The following TKFC variants were observed in gnomAD, a reference collection of about 807,000 sequenced individuals.
The protein encoded by TKFC is triokinase/FMN cyclase.
In TKFC, 46 loss-of-function variants were observed where a neutral mutation model predicts 61.0. The observed-to-expected ratio is 0.75, with a 90% CI of 0.60 to 0.96. The LOEUF (loss-of-function observed/expected upper bound fraction) is 0.96. Ranked by LOEUF, TKFC falls within the 50% of genes least tolerant of loss-of-function variation. The pLI is 0.00. For synonymous variants in TKFC, 314 were observed against 330.1 expected (o/e 0.95, Z 0.53); for missense variants, 715 against 777.5 (o/e 0.92, Z 0.96).
downstream of TKFC, chr11:61,351,658 G>A (rs944636150): frequency 1.9e-4 from 29 of 151,924 alleles, 1 homozygote; most frequent in Admixed American, 1.9e-3. Flanking sequence ...GCTCACTCTT[G>A]TAATCCCAGC....
At position 61,334,748 on chromosome 11, in the gene TKFC, C is replaced by G; in HGVS notation, c.3+17C>G. 6.2e-7 allele frequency: 1 copy of G among 1,613,998 alleles called. No individual in the cohort carries two copies. The highest frequency in any genetic ancestry group is 1.7e-5 in the Admixed American group (1 of 60,016). ...CACACCATGGTGAGTCATACAGGGCCGGGACGGGAATGGCAGCATGGTCTC... is the reference window on the plus strand; with the variant it reads ...CACACCATGGTGAGTCATACAGGGCGGGGACGGGAATGGCAGCATGGTCTC... On this transcript the variant is annotated intron_variant, in intron 2 of 17. Transcript: ENST00000394900.
intron 15 of TKFC, 24 bp downstream of exon 15, chr11:61,345,589 G>T: frequency 6.2e-7 from 1 of 1,612,308 alleles, no homozygotes. Flanking sequence ...CTGTGCATCA[G>T]ACCAGGGGTG....
At chr11:61,352,336 G>A (rs1267480572), downstream of TKFC, 1 of 153,298 alleles carries the variant, frequency 6.5e-6, no homozygotes, top group Non-Finnish European at 1.5e-5. Context: ...TACCTGAACA[G>A]TCCTATTGCA....
At chr11:61,350,071 T>G (rs1590594189), downstream of TKFC, 1 of 529,520 alleles carries the variant, frequency 1.9e-6, no homozygotes, top group Non-Finnish European at 3.4e-6. Context: ...CGCCAAGGAG[T>G]GCAGAAGCCA....
chr11:61,334,406 G>A (rs976982390), intron 1 of TKFC: 1 of 338,568 alleles, frequency 3.0e-6, no homozygotes, highest in African/African-American at 2.1e-5. Context: ...AGGCAGACCT[G>A]TGCTTGACAT....
chr11:61,345,071 C>T (rs556276360), intron 13 of TKFC, among the ~76,000 whole-genome samples, 189 bp from the exon 14 acceptor site: 1 of 152,204 alleles, frequency 6.6e-6, no homozygotes, highest in Non-Finnish European at 1.5e-5. Context: ...CAGGCCTCAC[C>T]TCCCCAGGCC....
intron 2 of TKFC, 98 bp downstream of exon 2, chr11:61,334,829 T>C (rs1436012862): frequency 2.7e-5 from 42 of 1,555,964 alleles, no homozygotes; most frequent in Non-Finnish European, 3.5e-5. Context: ...GACTGAGAGA[T>C]GCTATTGCCT....
chr11:61,336,090 G>A (rs909941092), intron 2 of TKFC: 1 of 153,614 alleles, frequency 6.5e-6, no homozygotes, highest in Non-Finnish European at 1.5e-5. Flanking sequence ...TACCACACCC[G>A]GCCTGTTGGG....
chr11:61,350,026 A>G (rs1282931231), downstream of TKFC: 3 of 486,848 alleles, frequency 6.2e-6, no homozygotes, highest in Non-Finnish European at 1.1e-5. Context: ...CAGAGCGAGG[A>G]GGACCTCGTG....
At chr11:61,336,436 C>T (rs910326913) in intron 2 of TKFC, 1 of 152,710 alleles carries the variant, frequency 6.5e-6, no homozygotes, top group South Asian at 2.1e-4. Context: ...GGGCCCCAGT[C>T]TCACTCTGTC....
rs937114341 is a variant in TKFC at position 61,341,977 on chromosome 11, A to C, written c.655+65A>C. 44 of 1,477,054 alleles carry C rather than the reference A, an allele frequency of 3.0e-5. No homozygotes were observed. In the African/African-American group the frequency reaches 5.5e-4, roughly 19 times the overall value. 91.5% of individuals were successfully genotyped at this position (1,477,054 alleles called of 1,614,324 possible). ...TGGCCCTGGACTTTGCCCACCTTGC[A>C]TACCCTTAGAGCCATCAACCTGGTC... On this transcript the variant is annotated intron_variant, in intron 7 of 17. Transcript: ENST00000394900.
In TKFC at chr11:61,348,076, C is replaced by G. The variant is rs963293009; in HGVS notation, c.*1573C>G. 2.8e-5 allele frequency: 28 copies of G among 985,326 alleles called. No individual in the cohort carries two copies. The highest frequency in any genetic ancestry group is 5.2e-5 in the African/African-American group (3 of 57,228). 61.0% of individuals were successfully genotyped at this position (985,326 alleles called of 1,614,324 possible). ...CCCAGGGTCCTGTCTGTCGGCTGCACCATACGTCCCTGACCACAAGGCATC... is the reference window on the plus strand; with the variant it reads ...CCCAGGGTCCTGTCTGTCGGCTGCAGCATACGTCCCTGACCACAAGGCATC... On this transcript the variant is annotated 3_prime_UTR_variant, in exon 18 of 18. Transcript: ENST00000394900.
At chr11:61,344,870 ACTG>A (rs1857041808) in intron 13 of TKFC, among the ~76,000 whole-genome samples, 1 of 152,180 alleles carries the variant, frequency 6.6e-6, no homozygotes, top group African/African-American at 2.4e-5. Flanking sequence ...TGGGGCAGGC[ACTG>A]CTCTCAGCTG....
rs1281586351 is a variant in TKFC at position 61,338,149 on chromosome 11, G to A, written c.193+19G>A. 18 of 1,558,846 alleles carry A rather than the reference G, an allele frequency of 1.2e-5. No homozygotes were observed. Among genetic ancestry groups the A allele is most frequent in the African/African-American group, 2.7e-5 (2 of 73,128 alleles). On this transcript the variant is annotated intron_variant, in intron 3 of 17. Coordinates refer to ENST00000394900, the MANE Select transcript of TKFC (RefSeq NM_015533.4). ...CATGCTGGTGAGTATCCTGGGGTGG[G>A]GCAGGGGGTACTAGTGGAGTGGACA...
downstream of TKFC, chr11:61,351,493 G>T (rs2135103379): frequency 6.0e-6 from 1 of 167,312 alleles, no homozygotes; most frequent in South Asian, 1.4e-4. Flanking sequence ...GTTTCACCAT[G>T]TTAGCCAGGA....
chr11:61,338,544 C>T (rs529303227), intron 3 of TKFC, among the ~76,000 whole-genome samples: 5 of 152,238 alleles, frequency 3.3e-5, no homozygotes, highest in African/African-American at 1.2e-4. Context: ...GAGCCAGGGA[C>T]GCAGACTCTC....
At chr11:61,339,478 A>T in intron 5 of TKFC, 43 bp downstream of exon 5, 1 of 1,558,612 alleles carries the variant, frequency 6.4e-7, no homozygotes. Context: ...AGCCCTTTCC[A>T]GCCTTCCCTT....
At position 61,348,743 on chromosome 11, in the gene TKFC, A is replaced by C. The variant is rs1857261439; in HGVS notation, c.*2240A>C. The C allele has an allele frequency of 6.5e-6, 1 of 154,270 alleles. No individual in the cohort carries two copies. Among genetic ancestry groups the C allele is most frequent in the Non-Finnish European group, 1.4e-5 (1 of 69,948 alleles). The allele number at this position is 154,270 out of a possible 1,614,324, so 9.6% of individuals were successfully genotyped here. A position where few individuals can be genotyped will look rare whatever the true frequency, so the allele number is the denominator to read the frequency against. ...GCCTCCAGAACTGTGAGAAATAAAC[A>C]CTTGTTGTTTAAGCCACCCAGGCTA... On this transcript the variant is annotated 3_prime_UTR_variant, in exon 18 of 18. Coordinates refer to ENST00000394900, the MANE Select transcript of TKFC (RefSeq NM_015533.4).
intron 13 of TKFC, among the ~76,000 whole-genome samples, chr11:61,344,488 T>C (rs1468937647): frequency 6.6e-6 from 1 of 151,562 alleles, no homozygotes; most frequent in Non-Finnish European, 1.5e-5. Flanking sequence ...CTCAGCCTCC[T>C]GACTAGCTGA....
Sources: allele counts gnomAD v4.1 joint callset (sites outside exome capture counted in the v4.1 genomes callset), GRCh38; gene constraint gnomAD v4.1.1; transcripts MANE v1.5; gene names NCBI Gene and HGNC (gene_info 2026-07-23, HGNC 2026-07-21).